IL19: variants seen among roughly 807,000 people sequenced by gnomAD.
IL19 encodes interleukin-19.
IL19 carries 15 observed loss-of-function variants against 19.5 expected under a neutral mutation model. The ratio of observed to expected loss-of-function variants is 0.77; its 90% CI spans 0.52 to 1.19. The LOEUF is 1.19. Ranked by LOEUF, IL19 falls within the 50% of genes most tolerant of loss-of-function variation. The pLI, the probability that IL19 is intolerant of heterozygous loss-of-function variation, is 0.00. For synonymous variants in IL19, 78 were observed against 78.3 expected, an observed-to-expected ratio of 1.00 and a Z score of 0.02; for missense variants, 199 against 213.1, an observed-to-expected ratio of 0.93 and a Z score of 0.41.
chr1:206,811,423 G>A (rs1572560787), intron 2 of IL19, among the ~76,000 whole-genome samples: 1 of 139,466 alleles, frequency 7.2e-6, no homozygotes, highest in African/African-American at 2.7e-5. Flanking sequence ...CAGCCTGGGT[G>A]ACAGAGCAAG....
chr1:206,809,585 A>T (rs12409577), intron 2 of IL19, among the ~76,000 whole-genome samples: 47,181 of 152,044 alleles, frequency 0.31, 7,659 homozygotes, highest in East Asian at 0.41. Context: ...TGGGCATCTA[A>T]CTAGTTTTAG....
intron 2 of IL19, among the ~76,000 whole-genome samples, chr1:206,803,673 A>G (rs951204084): frequency 1.8e-4 from 28 of 152,318 alleles, no homozygotes; most frequent in African/African-American, 6.5e-4. Flanking sequence ...AAACATGCTT[A>G]CAGAAAACTG....
intron 2 of IL19, among the ~76,000 whole-genome samples, chr1:206,821,883 G>C (rs934332719): frequency 6.6e-6 from 1 of 152,184 alleles, no homozygotes; most frequent in Admixed American, 6.5e-5. Flanking sequence ...TTTGGGAAAG[G>C]GTTTGGTCTG....
At chr1:206,791,427 T>G (rs1675401194) in intron 1 of IL19, among the ~76,000 whole-genome samples, 1 of 151,942 alleles carries the variant, frequency 6.6e-6, no homozygotes, top group Non-Finnish European at 1.5e-5. Context: ...CTCAGCCTCC[T>G]GAGAAGCTGG....
chr1:206,835,179 C>A (rs1457206458), intron 2 of IL19, among the ~76,000 whole-genome samples: 1 of 152,214 alleles, frequency 6.6e-6, no homozygotes, highest in African/African-American at 2.4e-5. Flanking sequence ...TATCTGCCTG[C>A]TTCTGAGAGT....
chr1:206,788,393 A>C (rs550869274), intron 1 of IL19, among the ~76,000 whole-genome samples: 164 of 152,352 alleles, frequency 1.1e-3, no homozygotes, highest in Admixed American at 2.8e-3. Flanking sequence ...GTTTTACAAC[A>C]ATCTAAAGAT....
At chr1:206,793,172 C>A (rs1424480190) in intron 1 of IL19, among the ~76,000 whole-genome samples, 1 of 152,216 alleles carries the variant, frequency 6.6e-6, no homozygotes, top group Non-Finnish European at 1.5e-5. Flanking sequence ...AGGTTTATAC[C>A]TGGAGCTAAA....
chr1:206,824,056 C>A (rs1024112679), intron 2 of IL19, among the ~76,000 whole-genome samples: 1 of 152,192 alleles, frequency 6.6e-6, no homozygotes, highest in African/African-American at 2.4e-5. Context: ...TTTTGAGGGG[C>A]AAAACTGCTG....
intron 2 of IL19, among the ~76,000 whole-genome samples, chr1:206,820,209 T>C (rs546106796): frequency 2.0e-5 from 3 of 152,318 alleles, no homozygotes; most frequent in African/African-American, 7.2e-5. Context: ...AAACTTCATC[T>C]GAGTGATCGA....
At chr1:206,829,973 G>A (rs1031708777) in intron 2 of IL19, among the ~76,000 whole-genome samples, 1 of 152,212 alleles carries the variant, frequency 6.6e-6, no homozygotes, top group Non-Finnish European at 1.5e-5. Flanking sequence ...TGGCCAGTTT[G>A]GATTTCCTTA....
intron 2 of IL19, among the ~76,000 whole-genome samples, chr1:206,811,643 G>A (rs1482086542): frequency 6.6e-6 from 1 of 152,092 alleles, no homozygotes; most frequent in Non-Finnish European, 1.5e-5. Flanking sequence ...TGGCCATAAT[G>A]TCAGGGATGA....
At position 206,814,001 on chromosome 1, in the gene IL19, T is replaced by A. The variant is rs369261907; in HGVS notation, c.-3+14995T>A. Among the ~76,000 whole-genome samples the A allele has an allele frequency of 2.1e-4, 31 of 146,380 alleles. No homozygotes were observed. In the South Asian group the frequency reaches 2.7e-3, roughly 13 times the overall value. ...CAGGTTTCAGGCTTGCTAGCCCCCA[T>A]GGTTGTATCAGTTAATTTCTTGAAA... On this transcript the variant is annotated intron_variant, in intron 2 of 6. Transcript: ENST00000659997.
At chr1:206,795,548 C>T (rs11583394) in intron 1 of IL19, among the ~76,000 whole-genome samples, 108,383 of 152,052 alleles carry the variant, frequency 0.71, 39,214 homozygotes, top group Non-Finnish European at 0.78. Context: ...CTTCCCACAC[C>T]TTTAGGATTG....
chr1:206,842,566 C>G lies in IL19; in HGVS notation c.478C>G (p.Leu160Val), dbSNP rs1189204069. 4.4e-6 allele frequency: 7 copies of G among 1,576,820 alleles called. No homozygotes were observed. The highest frequency in any genetic ancestry group is 6.0e-6 in the Non-Finnish European group (7 of 1,159,222). Reference sequence around the variant, plus strand: ...TGCTGCCATTAAATCCCTGGGAGAGCTCGACGTCTTTCTAGCCTGGATTAA... The same window carrying G: ...TGCTGCCATTAAATCCCTGGGAGAGGTCGACGTCTTTCTAGCCTGGATTAA... ...HAAAIKSLGE[L>V]DVFLAWINKN... The change falls in exon 7 of 7, where the codon CTC becomes GTC. Residue 160 changes from leucine to valine, a missense_variant. Transcript: ENST00000659997.
chr1:206,804,815 G>T (rs1318560699), intron 2 of IL19, among the ~76,000 whole-genome samples: 1 of 152,238 alleles, frequency 6.6e-6, no homozygotes, highest in East Asian at 1.9e-4. Flanking sequence ...GTTCAAACCT[G>T]AAATTCTCTT....
Position 206,839,917 on chromosome 1 carries a change from A to T in IL19, c.278A>T (p.His93Leu). The T allele has an allele frequency of 6.2e-7, 1 of 1,614,154 alleles. No homozygotes were observed. Among genetic ancestry groups the T allele is most frequent in the Non-Finnish European group, 8.5e-7 (1 of 1,179,992 alleles). The change falls in exon 5 of 7, where the codon CAT becomes CTT. Residue 93 changes from histidine to leucine, a missense_variant. Coordinates refer to ENST00000659997, the MANE Select transcript of IL19 (RefSeq NM_153758.5). ...AFYVDRVFKD[H>L]QEPNPKILRK... ...TACGTGGACAGGGTGTTCAAGGATC[A>T]TCAGGAGCCAAACCCCAAAATCTTG...
In IL19 at chr1:206,815,333, T is replaced by C. The variant is rs113929210; in HGVS notation, c.-3+16327T>C. Among the ~76,000 whole-genome samples, 250 of 152,306 alleles carry C rather than the reference T, an allele frequency of 1.6e-3. 1 individual carries two copies. Among genetic ancestry groups the C allele is most frequent in the African/African-American group, 5.6e-3 (233 of 41,558 alleles). Reference sequence around the variant, plus strand: ...TACCCAGATTCGAGGGCAGGAGATATAGATGTCATGTCTCAGTGGGAAGAA... The same window carrying C: ...TACCCAGATTCGAGGGCAGGAGATACAGATGTCATGTCTCAGTGGGAAGAA... On this transcript the variant is annotated intron_variant, in intron 2 of 6. Transcript: ENST00000659997.
chr1:206,773,154 C>T (rs1454824434), intron 1 of IL19, among the ~76,000 whole-genome samples: 1 of 152,174 alleles, frequency 6.6e-6, no homozygotes, highest in African/African-American at 2.4e-5. Context: ...AGCTGTCCCC[C>T]ACCCCAACTG....
chr1:206,806,174 C>T (rs1675839465), intron 2 of IL19, among the ~76,000 whole-genome samples: 1 of 152,152 alleles, frequency 6.6e-6, no homozygotes. Context: ...GCGTTGTTGC[C>T]TTAATTTCAC....
Sources: allele counts gnomAD v4.1 joint callset (sites outside exome capture counted in the v4.1 genomes callset), GRCh38; gene constraint gnomAD v4.1.1; transcripts MANE v1.5; gene names NCBI Gene and HGNC (gene_info 2026-07-23, HGNC 2026-07-21).